Variants in LRRTM4 observed in about 807,000 individuals in gnomAD.
LRRTM4 encodes leucine rich repeat transmembrane neuronal 4.
LRRTM4 carries 25 observed loss-of-function variants against 47.6 expected under a neutral mutation model. That is an observed-to-expected ratio of 0.53 (90% CI 0.38 to 0.73). The LOEUF (loss-of-function observed/expected upper bound fraction) is 0.73. Among genes scored for constraint, LRRTM4 ranks in the 30% least tolerant of loss-of-function variants. The pLI, the probability that LRRTM4 is intolerant of heterozygous loss-of-function variation, is 0.00. For synonymous variants in LRRTM4, 311 were observed against 269.5 expected, an observed-to-expected ratio of 1.15 and a Z score of -1.51; for missense variants, 638 against 713.4, an observed-to-expected ratio of 0.89 and a Z score of 1.20.
chr2:77,412,731 C>G (rs1360859469), intron 3 of LRRTM4, among the ~76,000 whole-genome samples: 1 of 152,054 alleles, frequency 6.6e-6, no homozygotes, highest in East Asian at 1.9e-4. Flanking sequence ...AATATTATTC[C>G]ACACTTTACC....
intron 3 of LRRTM4, among the ~76,000 whole-genome samples, chr2:77,268,064 C>A (rs1395801370): frequency 6.6e-6 from 1 of 152,108 alleles, no homozygotes; most frequent in African/African-American, 2.4e-5. Flanking sequence ...GCTTCCCAAT[C>A]TATACTTTAC....
chr2:76,922,219 G>A (rs1674454031), intron 3 of LRRTM4, among the ~76,000 whole-genome samples: 1 of 152,042 alleles, frequency 6.6e-6, no homozygotes, highest in Non-Finnish European at 1.5e-5. Flanking sequence ...AGAACTACCT[G>A]AGACTGGGTT....
intron 3 of LRRTM4, among the ~76,000 whole-genome samples, chr2:77,236,656 G>T (rs2103980946): frequency 6.6e-6 from 1 of 152,040 alleles, no homozygotes; most frequent in African/African-American, 2.4e-5. Flanking sequence ...ATTAGCTGTG[G>T]GTTTGTCATA....
chr2:77,312,417 C>T (rs1677482371), intron 3 of LRRTM4, among the ~76,000 whole-genome samples: 1 of 152,004 alleles, frequency 6.6e-6, no homozygotes, highest in Non-Finnish European at 1.5e-5. Context: ...GCTGACATGA[C>T]CAGATAATTT....
At chr2:77,442,770 A>G (rs184467436) in intron 3 of LRRTM4, among the ~76,000 whole-genome samples, 9 of 152,304 alleles carry the variant, frequency 5.9e-5, no homozygotes, top group Admixed American at 5.9e-4. Context: ...GTTCAAGGCT[A>G]TGTAGAGAAG....
chr2:76,872,916 A>T (rs1490678938), intron 3 of LRRTM4, among the ~76,000 whole-genome samples: 1 of 152,136 alleles, frequency 6.6e-6, no homozygotes, highest in Non-Finnish European at 1.5e-5. Context: ...TCTCTTGCCA[A>T]ATGATCTGCA....
At position 77,013,609 on chromosome 2, in the gene LRRTM4, G is replaced by A. The variant is rs143244497; in HGVS notation, c.1552-264693C>T. 3.5e-3 allele frequency among the ~76,000 whole-genome samples: 539 copies of A among 152,120 alleles called. 1 individual carries two copies. Among genetic ancestry groups the A allele is most frequent in the African/African-American group, 0.012 (515 of 41,510 alleles). ...AGCCTAGGCTGAGAGAACAGGATAC[G>A]AGTTACAATAGTCTTTGGCTTGTCT... On this transcript the variant is annotated intron_variant, in intron 3 of 3. Transcript: ENST00000409884.
chr2:77,233,126 A>T (rs1675012022), intron 3 of LRRTM4, among the ~76,000 whole-genome samples: 1 of 152,224 alleles, frequency 6.6e-6, no homozygotes. Flanking sequence ...AAGGTCACAA[A>T]TCATATGACA....
At chr2:77,476,831 T>G (rs1459509001) in intron 3 of LRRTM4, among the ~76,000 whole-genome samples, 1 of 152,132 alleles carries the variant, frequency 6.6e-6, no homozygotes, top group East Asian at 1.9e-4. Flanking sequence ...ATGGTGGTAT[T>G]TTTTTAAGGA....
intron 3 of LRRTM4, among the ~76,000 whole-genome samples, chr2:76,854,554 T>A (rs1470954288): frequency 6.6e-6 from 1 of 151,996 alleles, no homozygotes; most frequent in Non-Finnish European, 1.5e-5. Flanking sequence ...CAAACAAAAA[T>A]CCTGATTTGT....
At chr2:76,777,550 GCTCT>G (rs1674096813) in intron 3 of LRRTM4, among the ~76,000 whole-genome samples, 1 of 138,628 alleles carries the variant, frequency 7.2e-6, no homozygotes, top group Non-Finnish European at 1.6e-5. Context: ...TCATGATTTG[GCTCT>G]CTGTTTGTCT....
At chr2:77,520,325 A>C (rs1212538809) in intron 2 of LRRTM4, among the ~76,000 whole-genome samples, 20 of 152,096 alleles carry the variant, frequency 1.3e-4, no homozygotes, top group Admixed American at 1.3e-3. Flanking sequence ...GTGATTTGGC[A>C]AAAGAGCTTC....
intron 3 of LRRTM4, among the ~76,000 whole-genome samples, chr2:77,249,043 A>G (rs528633032): frequency 6.6e-6 from 1 of 152,244 alleles, no homozygotes; most frequent in East Asian, 1.9e-4. Flanking sequence ...GATAAACTGA[A>G]ATTCATTAAA....
At chr2:76,945,686 T>C (rs971954451) in intron 3 of LRRTM4, among the ~76,000 whole-genome samples, 2 of 151,850 alleles carry the variant, frequency 1.3e-5, no homozygotes, top group Admixed American at 6.6e-5. Context: ...CATTAACTAG[T>C]CTAAGACGAA....
chr2:77,127,634 C>A (rs758337224), intron 3 of LRRTM4, among the ~76,000 whole-genome samples: 1 of 152,092 alleles, frequency 6.6e-6, no homozygotes, highest in Non-Finnish European at 1.5e-5. Flanking sequence ...CACTCTTTGT[C>A]ATCACTTACT....
At chr2:76,768,553 T>C (rs1236984711) in intron 3 of LRRTM4, among the ~76,000 whole-genome samples, 2 of 152,158 alleles carry the variant, frequency 1.3e-5, no homozygotes, top group Admixed American at 6.6e-5. Context: ...TTTCCCCAAT[T>C]TCTATGGCTA....
At chr2:77,144,346 T>A (rs1307428347) in intron 3 of LRRTM4, among the ~76,000 whole-genome samples, 3 of 152,046 alleles carry the variant, frequency 2.0e-5, no homozygotes, top group Non-Finnish European at 4.4e-5. Flanking sequence ...GACCTTTTCT[T>A]GAACGGAAAC....
chr2:77,285,363 TGGCCA>T (rs1676626180), intron 3 of LRRTM4, among the ~76,000 whole-genome samples: 3 of 143,416 alleles, frequency 2.1e-5, no homozygotes, highest in Admixed American at 7.0e-5. Flanking sequence ...TATATATATA[TGGCCA>T]ATAGAAATGC....
chr2:76,807,378 C>G (rs1263384912), intron 3 of LRRTM4, among the ~76,000 whole-genome samples: 1 of 101,494 alleles, frequency 9.9e-6, no homozygotes, highest in African/African-American at 3.4e-5. Context: ...TATAAACATT[C>G]ATTTTATATA....
Sources: allele counts gnomAD v4.1 joint callset (sites outside exome capture counted in the v4.1 genomes callset), GRCh38; gene constraint gnomAD v4.1.1; transcripts MANE v1.5; gene names NCBI Gene and HGNC (gene_info 2026-07-23, HGNC 2026-07-21).